CCNF: variants seen among roughly 807,000 people sequenced by gnomAD.
CCNF encodes the protein cyclin F.
Under a neutral mutation model 85.4 loss-of-function variants are expected in CCNF, and 30 were observed. The ratio of observed to expected loss-of-function variants is 0.35; its 90% confidence interval spans 0.26 to 0.48. CCNF has a LOEUF of 0.48. Among genes scored for constraint, CCNF ranks in the 20% least tolerant of loss-of-function variants. The pLI is 0.99. For synonymous variants in CCNF, 439 were observed against 425.1 expected, an observed-to-expected ratio of 1.03 and a Z score of -0.40; for missense variants, 919 against 1,010.4, an observed-to-expected ratio of 0.91 and a Z score of 1.23.
At chr16:2,437,903 TAAAA>T (rs34068510) in intron 5 of CCNF, 163 bp from the exon 6 acceptor site, 63 of 410,306 alleles carry the variant, frequency 1.5e-4, no homozygotes, top group East Asian at 8.5e-4. Flanking sequence ...TGTTTCCCTT[TAAAA>T]AAAAAAAAAA....
intron 9 of CCNF, among the ~76,000 whole-genome samples, chr16:2,445,116 T>G (rs960157386): frequency 6.6e-6 from 1 of 152,168 alleles, no homozygotes; most frequent in Non-Finnish European, 1.5e-5. Flanking sequence ...GTCCACCTTC[T>G]CCCGCTCCCT....
In CCNF at chr16:2,445,565, T is replaced by C. The variant is rs748498211; in HGVS notation, c.1037T>C (p.Leu346Pro). 6.2e-7 allele frequency: 1 copy of C among 1,613,966 alleles called. No individual in the cohort carries two copies. ...GTGGACCGGTACCTGCGGAGGAGGC[T>C]GGTGCCGCGGTACAGGCTCCAGCTG... ...ECVDRYLRRRLVPRYRLQLLG... is the reference protein window; with the variant it reads ...ECVDRYLRRRPVPRYRLQLLG... The change falls in exon 10 of 17, where the codon CTG becomes CCG. Residue 346 changes from leucine to proline, a missense_variant. Coordinates refer to ENST00000397066, the MANE Select transcript of CCNF (RefSeq NM_001761.3).
At chr16:2,438,842 A>G (rs1360086389) in intron 6 of CCNF, among the ~76,000 whole-genome samples, 1 of 151,084 alleles carries the variant, frequency 6.6e-6, no homozygotes, top group East Asian at 2.0e-4. Flanking sequence ...ACTAAAAAAC[A>G]CAAAAATTAG....
At chr16:2,455,965 A>T (rs574867216) in intron 16 of CCNF, among the ~76,000 whole-genome samples, 22 of 152,352 alleles carry the variant, frequency 1.4e-4, no homozygotes, top group Admixed American at 3.3e-4. Context: ...TCAGGCTAGA[A>T]GTTCAAGACC....
chr16:2,443,129 TTA>T (rs1476778779), intron 8 of CCNF, among the ~76,000 whole-genome samples: 5 of 134,206 alleles, frequency 3.7e-5, no homozygotes, highest in Non-Finnish European at 6.2e-5. Flanking sequence ...ATATTATATA[TTA>T]TATGTTTTAT....
At chr16:2,450,560 A>G (rs1211610309) in intron 13 of CCNF, among the ~76,000 whole-genome samples, 8 of 151,416 alleles carry the variant, frequency 5.3e-5, no homozygotes, top group Non-Finnish European at 1.5e-5. Flanking sequence ...CATTTTTCAC[A>G]TTGAGAGCAG....
intron 15 of CCNF, among the ~76,000 whole-genome samples, chr16:2,454,487 C>T (rs576843566): frequency 7.7e-4 from 116 of 151,234 alleles, no homozygotes; most frequent in Non-Finnish European, 1.4e-3. Flanking sequence ...TTCTCAGAGG[C>T]CCCCCACAGC....
At chr16:2,447,913 T>C (rs555457340) in intron 10 of CCNF, among the ~76,000 whole-genome samples, 98 of 152,340 alleles carry the variant, frequency 6.4e-4, no homozygotes, top group African/African-American at 2.1e-3. Context: ...GTGTAGTCCC[T>C]GCGCCTCTTG....
At position 2,453,637 on chromosome 16, in the gene CCNF, T is replaced by A. The variant is rs571101509; in HGVS notation, c.1715+100T>A. ...CTCACACAGAGAGGCCCCCAAGGCT[T>A]GTCAGGGGAGCAGCAGATCCCAGGA... On this transcript the variant is annotated intron_variant, in intron 15 of 16. Coordinates refer to ENST00000397066, the MANE Select transcript of CCNF (RefSeq NM_001761.3). The surrounding 1 kb of genome is among the most constrained non-coding windows in gnomAD (Gnocchi z 5.6). 5.8e-5 allele frequency: 86 copies of A among 1,481,252 alleles called. No individual in the cohort carries two copies. The highest frequency in any genetic ancestry group is 7.9e-5 in the Non-Finnish European group (85 of 1,079,992). The allele number at this position is 1,481,252 out of a possible 1,614,324, so 91.8% of individuals were successfully genotyped here.
At position 2,429,517 on chromosome 16, in the gene CCNF, C is replaced by G. The variant is rs920051193; in HGVS notation, c.16+20C>G. 57 of 1,230,422 alleles carry G rather than the reference C, an allele frequency of 4.6e-5. No individual in the cohort carries two copies. Among genetic ancestry groups the G allele is most frequent in the South Asian group, 1.2e-4 (3 of 24,410 alleles). The allele number at this position is 1,230,422 out of a possible 1,614,324, so 76.2% of individuals were successfully genotyped here. On this transcript the variant is annotated intron_variant, in intron 1 of 16. Coordinates refer to ENST00000397066, the MANE Select transcript of CCNF (RefSeq NM_001761.3). ...GCGGCGGTGAGTGCGGGGCGATGTC[C>G]GCTGGTTTCTGCCCCACACCCCTTC...
At chr16:2,450,311 C>CAACG (rs2065387292) in intron 13 of CCNF, among the ~76,000 whole-genome samples, 1 of 114,522 alleles carries the variant, frequency 8.7e-6, no homozygotes, top group Non-Finnish European at 1.7e-5. Flanking sequence ...CCAACCTGGT[C>CAACG]AACGTGGCAA....
At chr16:2,441,569 T>G (rs563970926) in intron 8 of CCNF, among the ~76,000 whole-genome samples, 6 of 152,082 alleles carry the variant, frequency 3.9e-5, no homozygotes, top group Admixed American at 6.5e-5. Context: ...GAGTTCTCTC[T>G]GTTGCCCAGG....
In CCNF at chr16:2,449,350, C is replaced by G. The variant is rs151164394; in HGVS notation, c.1287C>G (p.His429Gln). ...TCCCTGTGGAGCTGAGAACCCAGCA[C>G]CTGTGCAGCTTCCTCTGCGAGCTCT... is the stretch of plus-strand genomic sequence containing the variant. ...TLVPVELRTQHLCSFLCELSL... is the reference protein window; with the variant it reads ...TLVPVELRTQQLCSFLCELSL... The change falls in exon 12 of 17, where the codon CAC becomes CAG. Residue 429 changes from histidine (H) to glutamine (Q), a missense_variant. By Grantham distance (24) the His-to-Gln change is conservative. This residue lies in a region of CCNF where 505 missense variants were observed against 514.8 expected (regional missense o/e 0.98). Transcript: ENST00000397066. 9.3e-6 allele frequency: 15 copies of G among 1,613,652 alleles called. No homozygotes were observed. The highest frequency in any genetic ancestry group is 1.3e-5 in the Non-Finnish European group (15 of 1,179,982).
intron 16 of CCNF, 38 bp downstream of exon 16, chr16:2,455,602 C>T: frequency 1.3e-6 from 2 of 1,565,122 alleles, no homozygotes; most frequent in Non-Finnish European, 1.7e-6. Flanking sequence ...AGGGACATCA[C>T]ACAGAGGGTG....
chr16:2,443,909 A>T, intron 9 of CCNF, 109 bp downstream of exon 9: 2 of 958,008 alleles, frequency 2.1e-6, no homozygotes, highest in Non-Finnish European at 3.0e-6. Context: ...GGCGGCATAG[A>T]GTTCCCTTAT....
rs923652605 is a variant in CCNF at position 2,439,602 on chromosome 16, C to G, written c.699+145C>G. 3 of 900,308 alleles carry G rather than the reference C, an allele frequency of 3.3e-6. No individual in the cohort carries two copies. In the African/African-American group the frequency reaches 5.0e-5, roughly 15 times the overall value. 55.8% of individuals were successfully genotyped at this position (900,308 alleles called of 1,614,324 possible). ...CAGCCTCCGGGAACCACTGGTCAGT[C>G]GGCTATTCTTGGTACCCCCAAAAAT... is the stretch of plus-strand genomic sequence containing the variant. On this transcript the variant is annotated intron_variant, in intron 7 of 16. Transcript: ENST00000397066.
intron 13 of CCNF, among the ~76,000 whole-genome samples, chr16:2,450,579 A>G (rs2065389218): frequency 6.6e-6 from 1 of 151,968 alleles, no homozygotes; most frequent in Non-Finnish European, 1.5e-5. Context: ...AGCTGCTCCC[A>G]ACCCAAGCTC....
In CCNF at chr16:2,451,274, C is replaced by G. The variant is rs958854720; in HGVS notation, c.1487+1359C>G. Among the ~76,000 whole-genome samples, 1 of 152,102 alleles carries G rather than the reference C, an allele frequency of 6.6e-6. No homozygotes were observed. The highest frequency in any genetic ancestry group is 2.1e-4 in the South Asian group (1 of 4,826). On this transcript the variant is annotated intron_variant, in intron 13 of 16. Coordinates refer to ENST00000397066, the MANE Select transcript of CCNF (RefSeq NM_001761.3). The surrounding 1 kb of genome is among the most constrained non-coding windows in gnomAD (Gnocchi z 4.3). ...GGCGACTCCCTTCAGGGAGCGTAGCCGGGGTCACCTGGGCATCTGAGTCCA... is the reference window on the plus strand; with the variant it reads ...GGCGACTCCCTTCAGGGAGCGTAGCGGGGGTCACCTGGGCATCTGAGTCCA...
In CCNF at chr16:2,449,479, C is replaced by T; in HGVS notation, c.1399+17C>T. The T allele has an allele frequency of 6.3e-7, 1 of 1,590,938 alleles. No homozygotes were observed. The highest frequency in any genetic ancestry group is 8.5e-7 in the Non-Finnish European group (1 of 1,172,374). On this transcript the variant is annotated intron_variant, in intron 12 of 16. Coordinates refer to ENST00000397066, the MANE Select transcript of CCNF (RefSeq NM_001761.3). The stretch of plus-strand genomic sequence containing the variant: ...ACGGGCAGAGTAAGGAGTGGCCCTT[C>T]CCAGGGATGCCTGTGTCGGGGAAGG...
Sources: allele counts gnomAD v4.1 joint callset (sites outside exome capture counted in the v4.1 genomes callset), GRCh38; gene constraint gnomAD v4.1.1; regional missense constraint gnomAD v4.1.1; non-coding constraint Gnocchi (gnomAD v3.1); transcripts MANE v1.5; gene names NCBI Gene and HGNC (gene_info 2026-07-23, HGNC 2026-07-21).